Variants in SNX25 observed in about 807,000 individuals in gnomAD.
The protein encoded by SNX25 is sorting nexin 25.
In SNX25, 62 loss-of-function variants were observed where a neutral mutation model predicts 113.7. The observed-to-expected ratio is 0.55, with a 90% CI of 0.44 to 0.67. The LOEUF (loss-of-function observed/expected upper bound fraction) is 0.67, where lower values mean the gene tolerates loss of function less well. Among genes scored for constraint, SNX25 ranks in the 30% least tolerant of loss-of-function variants. The pLI is 0.00. For missense variants in SNX25, 1,014 were observed against 1,161.0 expected, an observed-to-expected ratio of 0.87 and a Z score of 1.84; for synonymous variants, 421 against 436.2, an observed-to-expected ratio of 0.97 and a Z score of 0.43.
At chr4:185,246,560 GTTTTC>G (rs2126483275) in intron 1 of SNX25, among the ~76,000 whole-genome samples, 1 of 151,906 alleles carries the variant, frequency 6.6e-6, no homozygotes, top group Non-Finnish European at 1.5e-5. Context: ...AACTTCTTTG[GTTTTC>G]TTTTGAGTTA....
chr4:185,213,080 A>G (rs1738198264), intron 1 of SNX25, among the ~76,000 whole-genome samples: 1 of 152,220 alleles, frequency 6.6e-6, no homozygotes, highest in Non-Finnish European at 1.5e-5. Context: ...AGGTTTTCAA[A>G]TGCTTCTGAA....
chr4:185,268,096 C>G (rs1474596790), intron 5 of SNX25, among the ~76,000 whole-genome samples: 1 of 152,106 alleles, frequency 6.6e-6, no homozygotes, highest in Non-Finnish European at 1.5e-5. Flanking sequence ...CTATGTTTTT[C>G]AAGAGTCAGC....
intron 3 of SNX25, among the ~76,000 whole-genome samples, chr4:185,260,898 T>A (rs1747206322): frequency 6.6e-6 from 1 of 152,172 alleles, no homozygotes; most frequent in Non-Finnish European, 1.5e-5. Flanking sequence ...AGTTACCTCC[T>A]AGAATCTCAA....
At chr4:185,245,021 T>C (rs1744637066) in intron 1 of SNX25, among the ~76,000 whole-genome samples, 1 of 152,106 alleles carries the variant, frequency 6.6e-6, no homozygotes, top group Non-Finnish European at 1.5e-5. Flanking sequence ...TGGCCTCTGC[T>C]TGAGAACGAA....
chr4:185,242,987 G>C (rs1301433253), intron 1 of SNX25, among the ~76,000 whole-genome samples: 2 of 152,100 alleles, frequency 1.3e-5, no homozygotes, highest in African/African-American at 4.8e-5. Context: ...TCTCCATCAG[G>C]CTATGGGGAT....
chr4:185,226,130 TC>T (rs1361761276), intron 1 of SNX25, among the ~76,000 whole-genome samples: 1 of 152,094 alleles, frequency 6.6e-6, no homozygotes, highest in African/African-American at 2.4e-5. Flanking sequence ...AATACAGCAT[TC>T]CAGGCAGCCG....
chr4:185,323,134 T>C (rs1270891715), intron 8 of SNX25, among the ~76,000 whole-genome samples: 2 of 152,184 alleles, frequency 1.3e-5, no homozygotes, highest in Admixed American at 6.5e-5. Context: ...TTATATTGAC[T>C]TCTTTCTGGG....
At chr4:185,328,336 A>C (rs539571894) in intron 9 of SNX25, among the ~76,000 whole-genome samples, 3 of 152,122 alleles carry the variant, frequency 2.0e-5, no homozygotes, top group Admixed American at 1.3e-4. Context: ...CATAAGGAAA[A>C]CAGATTTTTT....
Position 185,320,188 on chromosome 4 carries a change from G to A in SNX25, c.1345-545G>A, listed in dbSNP as rs139056354. Among the ~76,000 whole-genome samples the A allele has an allele frequency of 7.3e-3, 1,119 of 152,264 alleles. 15 individuals carry two copies. The highest frequency in any genetic ancestry group is 0.026 in the African/African-American group (1,064 of 41,554). On this transcript the variant is annotated intron_variant, in intron 7 of 18. Coordinates refer to ENST00000652585, the MANE Select transcript of SNX25 (RefSeq NM_001378034.2). Reference sequence around the variant, plus strand: ...AGACACTTGCATGTGTATGTTTATTGCAGCACTGTTTACAATAGCAAAGTC... The same window carrying A: ...AGACACTTGCATGTGTATGTTTATTACAGCACTGTTTACAATAGCAAAGTC...
At chr4:185,314,416 T>C (rs2095054347) in intron 7 of SNX25, among the ~76,000 whole-genome samples, 1 of 151,594 alleles carries the variant, frequency 6.6e-6, no homozygotes, top group Non-Finnish European at 1.5e-5. Context: ...ATTGCCAGTA[T>C]TAGGAATGAA....
In SNX25 at chr4:185,248,976, A is replaced by G. The variant is rs555935917; in HGVS notation, c.514+1598A>G. Among the ~76,000 whole-genome samples, 102 of 152,290 alleles carry G rather than the reference A, an allele frequency of 6.7e-4. 1 individual carries two copies. Among genetic ancestry groups the G allele is most frequent in the African/African-American group, 2.3e-3 (95 of 41,562 alleles). ...GTTTTTAGATTCATCCATATTGTGT[A>G]TATCAGTTTATTCTTTGTTACTTTT... is the stretch of plus-strand genomic sequence containing the variant. On this transcript the variant is annotated intron_variant, in intron 2 of 18. Transcript: ENST00000652585.
intron 8 of SNX25, among the ~76,000 whole-genome samples, chr4:185,321,402 A>C (rs2095119335): frequency 6.6e-6 from 1 of 151,560 alleles, no homozygotes; most frequent in Non-Finnish European, 1.5e-5. Context: ...AGCTGGGATT[A>C]CAGGTGTGTG....
intron 11 of SNX25, among the ~76,000 whole-genome samples, chr4:185,369,227 C>CTTTTT (rs35543353): frequency 6.9e-5 from 7 of 100,928 alleles, no homozygotes; most frequent in Non-Finnish European, 9.5e-5. Flanking sequence ...ATACAGAGAG[C>CTTTTT]TTTTTTTTTT....
chr4:185,264,008 T>G (rs910502263), intron 3 of SNX25, among the ~76,000 whole-genome samples: 14 of 152,222 alleles, frequency 9.2e-5, no homozygotes, highest in Admixed American at 2.6e-4. Context: ...TAGAAATACC[T>G]GTAGACTTTT....
Position 185,362,696 on chromosome 4 carries a change from C to G in SNX25, c.2919C>G (p.Asn973Lys), listed in dbSNP as rs762223159. The change falls in exon 18 of 19, where the codon AAC (asparagine) becomes AAG (lysine). Residue 973 changes from asparagine to lysine, a missense_variant. Transcript: ENST00000652585. ...IFNALQETRA[N>K]KHLLYALMEL... ...ATGCACTGCAAGAAACAAGAGCCAA[C>G]AAGCATCTGTTATATGTGAGTAAAT... 2 of 1,613,876 alleles carry G rather than the reference C, an allele frequency of 1.2e-6. No individual in the cohort carries two copies. The highest frequency in any genetic ancestry group is 1.3e-5 in the African/African-American group (1 of 74,910).
chr4:185,330,152 T>C (rs1300491291), intron 9 of SNX25, among the ~76,000 whole-genome samples: 1 of 152,138 alleles, frequency 6.6e-6, no homozygotes, highest in Non-Finnish European at 1.5e-5. Context: ...ACTAAGAGTA[T>C]TTATTGGTTT....
upstream of SNX25, among the ~76,000 whole-genome samples, chr4:185,206,525 G>A (rs891287038): frequency 2.0e-5 from 3 of 151,976 alleles, no homozygotes; most frequent in Non-Finnish European, 2.9e-5. Flanking sequence ...CAGGCATGCT[G>A]ATGCATGCCT....
chr4:185,377,862 G>A, the SNX25 span: 3 of 463,934 alleles, frequency 6.5e-6, no homozygotes, highest in African/African-American at 6.0e-5. Flanking sequence ...AGTCCTGAGA[G>A]TAAAATCAAG....
In SNX25 at chr4:185,348,161, A is replaced by G. The variant is rs550008775; in HGVS notation, c.2301+1511A>G. On this transcript the variant is annotated intron_variant, in intron 13 of 18. Transcript: ENST00000652585. The stretch of plus-strand genomic sequence containing the variant: ...TTTTTTTTCCTTTGCTGCACCATCT[A>G]TATTCAGAGTATAATTGTTAATCAC... 3.9e-5 allele frequency among the ~76,000 whole-genome samples: 6 copies of G among 152,240 alleles called. No homozygotes were observed. In the South Asian group the frequency reaches 1.0e-3, roughly 26 times the overall value.
Sources: gnomAD v4.1 joint callset for allele counts (sites outside exome capture counted in the v4.1 genomes callset) on GRCh38, gnomAD v4.1.1 for gene constraint, MANE v1.5 for transcripts, NCBI Gene and HGNC (gene_info 2026-07-23, HGNC 2026-07-21) for gene names.